The following NTRK1 variants were observed in gnomAD, a reference collection of about 807,000 sequenced individuals.
NTRK1 encodes high affinity nerve growth factor receptor.
Under a neutral mutation model 86.8 loss-of-function variants are expected in NTRK1, and 62 were observed. The ratio of observed to expected loss-of-function variants is 0.71; its 90% CI spans 0.58 to 0.88. The LOEUF is 0.88. Among genes scored for constraint, NTRK1 ranks in the 40% least tolerant of loss-of-function variants. The probability of loss-of-function intolerance (pLI) is 0.00; values close to 1 mark genes in which losing one functional copy is unlikely to be tolerated. For missense variants in NTRK1, 967 were observed against 1,078.4 expected (o/e 0.90, Z 1.45); for synonymous variants, 469 against 456.6 (o/e 1.03, Z -0.35).
upstream of NTRK1, among the ~76,000 whole-genome samples, chr1:156,858,382 G>T (rs1484963721): frequency 2.0e-5 from 3 of 152,210 alleles, no homozygotes; most frequent in African/African-American, 7.2e-5. Flanking sequence ...GGAACTAACT[G>T]CTTTTCCTGC....
chr1:156,841,083 GCAGCGGCT>G (rs746198235), intron 1 of NTRK1: 1 of 1,565,074 alleles, frequency 6.4e-7, no homozygotes, highest in East Asian at 2.4e-5. Flanking sequence ...TCGGCTGCCA[GCAGCGGCT>G]CATCAGCTCC....
intron 1 of NTRK1, among the ~76,000 whole-genome samples, chr1:156,817,981 C>T (rs971560223): frequency 6.6e-6 from 1 of 152,138 alleles, no homozygotes; most frequent in Non-Finnish European, 1.5e-5. Flanking sequence ...TTAGACTTCC[C>T]ACCATACCAA....
chr1:156,876,345 AC>A lies in NTRK1; in HGVS notation c.1633-54del, dbSNP rs1378111575. ...GGGGTGGGCGGGCTGCCCTGGGTGAACAGCAGTGAGGGCTCGGCCCCCAACT... is the reference window on the plus strand; with the variant it reads ...GGGGTGGGCGGGCTGCCCTGGGTGAAAGCAGTGAGGGCTCGGCCCCCAACT... On this transcript the variant is annotated intron_variant, in intron 13 of 16. Transcript: ENST00000524377. 5.0e-6 allele frequency: 8 copies of A among 1,611,226 alleles called. No individual in the cohort carries two copies. In the Admixed American group the frequency reaches 1.3e-4, roughly 27 times the overall value.
intron 7 of NTRK1, among the ~76,000 whole-genome samples, chr1:156,873,025 G>GTGTGTGTGTGTT (rs1255188678): frequency 6.8e-6 from 1 of 146,750 alleles, no homozygotes; most frequent in Admixed American, 6.8e-5. Flanking sequence ...AAGAGTGTGT[G>GTGTGTGTGTGTT]TGTGTGTGTG....
intron 2 of NTRK1, chr1:156,844,724 A>G (rs1654927509): frequency 6.2e-7 from 1 of 1,614,116 alleles, no homozygotes; most frequent in Non-Finnish European, 8.5e-7. Context: ...AAGCGGCGGT[A>G]CTTGATTTCG....
At chr1:156,843,322 C>T in intron 2 of NTRK1, 8 of 1,566,228 alleles carry the variant, frequency 5.1e-6, no homozygotes, top group Non-Finnish European at 7.0e-6. Flanking sequence ...CTGAAGGGCT[C>T]TTGTCCCAAG....
rs1654828225 is a variant in NTRK1 at position 156,842,289 on chromosome 1, G to A, written c.50+96G>A. The A allele has an allele frequency of 4.3e-6, 7 of 1,613,822 alleles. No individual in the cohort carries two copies. The East Asian group carries it at 1.6e-4, about 36-fold the overall frequency. On this transcript the variant is annotated intron_variant, in intron 2 of 16. Coordinates refer to the NTRK1 transcript ENST00000392302. The stretch of plus-strand genomic sequence containing the variant: ...GGGTTGTTCTAGAGCCAAGATTGGG[G>A]GCTGGTGAGGAAGGAACCCAGAGGC...
intron 1 of NTRK1, among the ~76,000 whole-genome samples, chr1:156,835,349 C>T (rs1654572454): frequency 6.6e-6 from 1 of 152,160 alleles, no homozygotes; most frequent in Non-Finnish European, 1.5e-5. Context: ...CCGCGATACA[C>T]ACCCAGGTAG....
At chr1:156,833,984 A>C (rs1297198868) in intron 1 of NTRK1, among the ~76,000 whole-genome samples, 1 of 152,122 alleles carries the variant, frequency 6.6e-6, no homozygotes, top group East Asian at 1.9e-4. Context: ...CTTCCTGCAG[A>C]TATCTCTGTG....
upstream of NTRK1, among the ~76,000 whole-genome samples, chr1:156,856,172 G>T (rs1302805103): frequency 6.6e-6 from 1 of 152,072 alleles, no homozygotes; most frequent in Admixed American, 6.5e-5. Context: ...TTTATTTATA[G>T]AAATAGATAT....
chr1:156,851,986 G>A (rs1273495339), intron 2 of NTRK1: 1 of 1,610,968 alleles, frequency 6.2e-7, no homozygotes, highest in Non-Finnish European at 8.5e-7. Flanking sequence ...AGTGCAGGCT[G>A]GCACAGCGCT....
At chr1:156,874,093 C>T (rs1470765179) in intron 8 of NTRK1, 134 bp downstream of exon 8, 3 of 994,374 alleles carry the variant, frequency 3.0e-6, no homozygotes, top group East Asian at 5.2e-5. Flanking sequence ...GTCCTGGTGT[C>T]CCGCTGTTCT....
chr1:156,835,379 G>A lies in NTRK1; in HGVS notation c.-63-6702G>A, dbSNP rs186947959. ...AGGTAGCGAGGGGACAGAGCAGGGC[G>A]CCTATAAGGCTCTGTGCACTCATCC... On this transcript the variant is annotated intron_variant, in intron 1 of 16. Coordinates refer to the NTRK1 transcript ENST00000392302. Among the ~76,000 whole-genome samples the A allele has an allele frequency of 4.7e-4, 71 of 152,252 alleles. 2 individuals carry two copies. In the South Asian group the frequency reaches 6.8e-3, roughly 15 times the overall value.
rs184472295 is a variant in NTRK1, at chr1:156,872,201, T to A, written c.850+446T>A. Among the ~76,000 whole-genome samples, 250 of 152,312 alleles carry A rather than the reference T, an allele frequency of 1.6e-3. 1 individual carries two copies. The highest frequency in any genetic ancestry group is 5.6e-3 in the African/African-American group (232 of 41,566). On this transcript the variant is annotated intron_variant, in intron 7 of 16. Transcript: ENST00000524377. Reference sequence around the variant, plus strand: ...CTACTTTACATCAGTTTTCTTCTTTTATTGTGAAATATACATAGAAATGTG... The same window carrying A: ...CTACTTTACATCAGTTTTCTTCTTTAATTGTGAAATATACATAGAAATGTG...
At chr1:156,840,533 C>T (rs1164170134) in intron 1 of NTRK1, 1 of 347,962 alleles carries the variant, frequency 2.9e-6, no homozygotes, top group African/African-American at 2.1e-5. Flanking sequence ...AGAGGAGACC[C>T]CAAACTGAGG....
At chr1:156,856,018 G>A (rs907851031), upstream of NTRK1, among the ~76,000 whole-genome samples, 5 of 151,696 alleles carry the variant, frequency 3.3e-5, no homozygotes, top group Non-Finnish European at 5.9e-5. Context: ...ATAGTTTGCT[G>A]CATACTTGAA....
intron 1 of NTRK1, among the ~76,000 whole-genome samples, chr1:156,823,700 C>A (rs553965640): frequency 2.0e-5 from 3 of 152,278 alleles, no homozygotes; most frequent in Non-Finnish European, 4.4e-5. Context: ...CAATGTGTTG[C>A]AAGCAAGTTT....
upstream of NTRK1, among the ~76,000 whole-genome samples, chr1:156,857,236 C>T (rs1655442770): frequency 1.3e-5 from 2 of 151,090 alleles, no homozygotes; most frequent in Non-Finnish European, 1.5e-5. Flanking sequence ...CACGCAGATA[C>T]ACACACAAAA....
intron 7 of NTRK1, among the ~76,000 whole-genome samples, chr1:156,872,930 G>GCCTC (rs1350623470): frequency 6.6e-6 from 1 of 151,534 alleles, no homozygotes; most frequent in Admixed American, 6.6e-5. Flanking sequence ...GCCCGCCTCG[G>GCCTC]CCTCCCAAAG....
Sources: allele counts gnomAD v4.1 joint callset (sites outside exome capture counted in the v4.1 genomes callset), GRCh38; gene constraint gnomAD v4.1.1; transcripts MANE v1.5; gene names NCBI Gene and HGNC (gene_info 2026-07-23, HGNC 2026-07-21).